The following ANKFN1 variants were observed in gnomAD, a reference collection of about 807,000 sequenced individuals.
ANKFN1 encodes ankyrin repeat and fibronectin type-III domain-containing protein 1.
ANKFN1 carries 74 observed loss-of-function variants against 108.7 expected under a neutral mutation model. The observed-to-expected ratio is 0.68, with a 90% CI of 0.56 to 0.83. The LOEUF (loss-of-function observed/expected upper bound fraction) is 0.83. Ranked by LOEUF, ANKFN1 falls within the 40% of genes least tolerant of loss-of-function variation. The pLI, the probability that ANKFN1 is intolerant of heterozygous loss-of-function variation, is 0.00. For missense variants in ANKFN1, 1,505 were observed against 1,382.3 expected (o/e 1.09, Z -1.41); for synonymous variants, 547 against 516.2 (o/e 1.06, Z -0.81).
intron 1 of ANKFN1, chr17:56,174,079 C>A: frequency 1.4e-6 from 1 of 693,324 alleles, no homozygotes; most frequent in Non-Finnish European, 1.8e-6. Context: ...TATCAGGTGC[C>A]ATTGCTGCCT....
chr17:56,247,505 T>G (rs1918043361), intron 3 of ANKFN1, among the ~76,000 whole-genome samples: 1 of 152,162 alleles, frequency 6.6e-6, no homozygotes, highest in South Asian at 2.1e-4. Context: ...TAGTAGAAAT[T>G]TATTGTTTTG....
intron 11 of ANKFN1, among the ~76,000 whole-genome samples, chr17:56,449,837 C>T (rs2049423623): frequency 6.6e-6 from 1 of 152,160 alleles, no homozygotes; most frequent in Non-Finnish European, 1.5e-5. Context: ...ACTGTAACCT[C>T]ATCCTGAATT....
intron 3 of ANKFN1, chr17:56,228,391 G>C (rs192347012): frequency 1.2e-5 from 2 of 166,678 alleles, no homozygotes; most frequent in Non-Finnish European, 2.5e-5. Context: ...TGTGTACTGC[G>C]TTATGGCCAC....
At chr17:56,204,876 C>T (rs1341254313) in intron 1 of ANKFN1, among the ~76,000 whole-genome samples, 2 of 151,990 alleles carry the variant, frequency 1.3e-5, no homozygotes, top group Admixed American at 6.6e-5. Context: ...GAGATCGAGA[C>T]CATCCTGGCT....
At chr17:56,433,529 A>G (rs1402611648) in intron 8 of ANKFN1, among the ~76,000 whole-genome samples, 1 of 152,158 alleles carries the variant, frequency 6.6e-6, no homozygotes, top group Non-Finnish European at 1.5e-5. Context: ...CATTTGCAGC[A>G]ACCTAGATGA....
chr17:56,305,818 A>G (rs1029303313), intron 3 of ANKFN1, among the ~76,000 whole-genome samples: 9 of 152,330 alleles, frequency 5.9e-5, no homozygotes, highest in South Asian at 2.1e-4. Context: ...AATTTCATAT[A>G]TAAGATGTGA....
chr17:56,264,152 T>C (rs988813273), intron 3 of ANKFN1, among the ~76,000 whole-genome samples: 1 of 152,132 alleles, frequency 6.6e-6, no homozygotes, highest in African/African-American at 2.4e-5. Flanking sequence ...GGAAAAGGAT[T>C]GCTAAATGTT....
chr17:56,359,670 A>C (rs1046139418), intron 6 of ANKFN1, among the ~76,000 whole-genome samples: 2 of 152,166 alleles, frequency 1.3e-5, no homozygotes, highest in Non-Finnish European at 2.9e-5. Flanking sequence ...CAATTTTGGC[A>C]GTCTTGTCAG....
At position 56,081,028 on chromosome 17, in the gene ANKFN1, A is replaced by G. The variant is rs148059260; in HGVS notation, c.288+34703A>G. ...AACTCACATCCAGTGATGCTGGAAGAGCGTGGAATACAAAGACCTGGCCCC... is the reference window on the plus strand; with the variant it reads ...AACTCACATCCAGTGATGCTGGAAGGGCGTGGAATACAAAGACCTGGCCCC... On this transcript the variant is annotated intron_variant, in intron 4 of 12. Coordinates refer to the ANKFN1 transcript ENST00000635860. Among the ~76,000 whole-genome samples the G allele has an allele frequency of 1.7e-3, 258 of 152,284 alleles. 2 individuals carry two copies. Among genetic ancestry groups the G allele is most frequent in the African/African-American group, 5.9e-3 (247 of 41,558 alleles).
intron 3 of ANKFN1, among the ~76,000 whole-genome samples, chr17:56,302,031 G>A (rs1427162951): frequency 6.6e-6 from 1 of 152,194 alleles, no homozygotes; most frequent in African/African-American, 2.4e-5. Flanking sequence ...TTTAAGCCTG[G>A]TCCTGGATCA....
At chr17:56,325,551 G>A (rs1208780218) in intron 3 of ANKFN1, among the ~76,000 whole-genome samples, 1 of 152,174 alleles carries the variant, frequency 6.6e-6, no homozygotes, top group Non-Finnish European at 1.5e-5. Flanking sequence ...GCCTCTTGCT[G>A]TCCTAAGTCC....
chr17:56,123,839 C>CAGAGAGAG (rs72419531), intron 4 of ANKFN1, among the ~76,000 whole-genome samples: 3 of 142,540 alleles, frequency 2.1e-5, no homozygotes, highest in East Asian at 4.2e-4. Flanking sequence ...GAGAGAGACA[C>CAGAGAGAG]AGAGAGAGAG....
At chr17:56,318,547 G>A (rs990437910) in intron 3 of ANKFN1, among the ~76,000 whole-genome samples, 2 of 152,120 alleles carry the variant, frequency 1.3e-5, no homozygotes, top group African/African-American at 4.8e-5. Flanking sequence ...ATCCAGTAAG[G>A]GAATTACATA....
intron 3 of ANKFN1, among the ~76,000 whole-genome samples, chr17:56,318,767 A>G (rs1360545414): frequency 1.3e-5 from 2 of 152,142 alleles, no homozygotes; most frequent in Non-Finnish European, 2.9e-5. Flanking sequence ...ATTGGAGTCA[A>G]CGTCTTAGTT....
At chr17:56,351,221 A>C (rs2046239342) in intron 5 of ANKFN1, among the ~76,000 whole-genome samples, 1 of 151,998 alleles carries the variant, frequency 6.6e-6, no homozygotes, top group African/African-American at 2.4e-5. Context: ...ACTACACCAA[A>C]AAATAAATAA....
At chr17:56,452,668 TAC>T (rs947014274) in intron 11 of ANKFN1, among the ~76,000 whole-genome samples, 2 of 152,196 alleles carry the variant, frequency 1.3e-5, no homozygotes, top group Non-Finnish European at 2.9e-5. Flanking sequence ...GGCTCCAAAG[TAC>T]AGTTTTACCA....
At chr17:56,061,685 A>G (rs1357122848) in intron 4 of ANKFN1, among the ~76,000 whole-genome samples, 1 of 151,454 alleles carries the variant, frequency 6.6e-6, no homozygotes, top group Non-Finnish European at 1.5e-5. Context: ...CAATCTATCT[A>G]TTTTGTTAAA....
At chr17:56,403,921 G>A (rs2047838517) in intron 8 of ANKFN1, among the ~76,000 whole-genome samples, 1 of 152,034 alleles carries the variant, frequency 6.6e-6, no homozygotes, top group South Asian at 2.1e-4. Context: ...CTTCATATAT[G>A]ATGCTTAGTT....
At chr17:56,272,815 T>C (rs1223193118) in intron 3 of ANKFN1, among the ~76,000 whole-genome samples, 12 of 152,292 alleles carry the variant, frequency 7.9e-5, no homozygotes, top group African/African-American at 2.9e-4. Context: ...CATTTTGAAG[T>C]GGAGGTTTAA....
Sources: gnomAD v4.1 joint callset for allele counts (sites outside exome capture counted in the v4.1 genomes callset) on GRCh38, gnomAD v4.1.1 for gene constraint, MANE v1.5 for transcripts, NCBI Gene and HGNC (gene_info 2026-07-23, HGNC 2026-07-21) for gene names.